The following ST3GAL3 variants were observed in gnomAD, a reference collection of about 807,000 sequenced individuals.
ST3GAL3 encodes the protein CMP-N-acetylneuraminate-beta-1,4-galactoside alpha-2,3-sialyltransferase.
Under a neutral mutation model 50.1 loss-of-function variants are expected in ST3GAL3, and 21 were observed. The observed-to-expected ratio is 0.42, with a 90% confidence interval of 0.30 to 0.60. ST3GAL3 has a LOEUF of 0.60. Ranked by LOEUF, ST3GAL3 falls within the 20% of genes least tolerant of loss-of-function variation. ST3GAL3 has a pLI of 0.19. For synonymous variants in ST3GAL3, 183 were observed against 190.0 expected (o/e 0.96, Z 0.30); for missense variants, 353 against 489.4 (o/e 0.72, Z 2.63).
At chr1:43,916,095 G>T (rs1180258289) in intron 9 of ST3GAL3, among the ~76,000 whole-genome samples, 1 of 152,202 alleles carries the variant, frequency 6.6e-6, no homozygotes, top group Admixed American at 6.5e-5. Context: ...CTCCAGCCTG[G>T]AGTGGTTTGG....
chr1:43,902,930 G>A (rs1371168903), intron 9 of ST3GAL3, among the ~76,000 whole-genome samples: 1 of 152,204 alleles, frequency 6.6e-6, no homozygotes, highest in African/African-American at 2.4e-5. Context: ...GGGAGAGAGA[G>A]TCCCAGAGCT....
chr1:43,906,525 CCTCTTCCTGCCA>C (rs2079760086), intron 9 of ST3GAL3, among the ~76,000 whole-genome samples: 1 of 140,068 alleles, frequency 7.1e-6, no homozygotes, highest in African/African-American at 2.7e-5. Flanking sequence ...TCCTCCTGCT[CCTCTTCCTGCCA>C]CTCTTCCTCC....
intron 2 of ST3GAL3, among the ~76,000 whole-genome samples, chr1:43,783,427 AAGTC>A (rs1474645922): frequency 6.6e-6 from 1 of 152,140 alleles, no homozygotes; most frequent in Non-Finnish European, 1.5e-5. Context: ...AGCTCTGACC[AAGTC>A]TGCCCATCTT....
At chr1:43,718,145 T>A (rs957186902) in intron 1 of ST3GAL3, among the ~76,000 whole-genome samples, 1 of 151,578 alleles carries the variant, frequency 6.6e-6, no homozygotes, top group Non-Finnish European at 1.5e-5. Flanking sequence ...AGTGTTGGGA[T>A]TAGAGGCGTG....
chr1:43,715,888 A>G (rs1052399945), intron 1 of ST3GAL3, among the ~76,000 whole-genome samples: 7 of 152,054 alleles, frequency 4.6e-5, no homozygotes, highest in Non-Finnish European at 8.8e-5. Context: ...CTGGACTCTC[A>G]TAAGAGAATG....
chr1:43,921,133 G>A (rs1276147778), intron 11 of ST3GAL3, among the ~76,000 whole-genome samples: 1 of 152,020 alleles, frequency 6.6e-6, no homozygotes, highest in Non-Finnish European at 1.5e-5. Context: ...GGGACTCTCC[G>A]TGCCCTGGTC....
At chr1:43,785,483 G>A (rs987071310) in intron 2 of ST3GAL3, among the ~76,000 whole-genome samples, 5 of 152,200 alleles carry the variant, frequency 3.3e-5, no homozygotes, top group South Asian at 2.1e-4. Context: ...TATAGGCAAG[G>A]CCTTCTGGGA....
At chr1:43,926,155 A>C (rs1291817827) in intron 11 of ST3GAL3, among the ~76,000 whole-genome samples, 1 of 152,110 alleles carries the variant, frequency 6.6e-6, no homozygotes, top group East Asian at 1.9e-4. Flanking sequence ...GGAAGTATAG[A>C]TCTGTGAGTT....
intron 3 of ST3GAL3, among the ~76,000 whole-genome samples, chr1:43,800,479 G>A (rs1434035414): frequency 6.6e-6 from 1 of 152,218 alleles, no homozygotes; most frequent in Non-Finnish European, 1.5e-5. Context: ...CAGGAGATGG[G>A]AGGTAATAGT....
At chr1:43,731,940 A>C (rs1298829624) in intron 1 of ST3GAL3, among the ~76,000 whole-genome samples, 1 of 152,108 alleles carries the variant, frequency 6.6e-6, no homozygotes, top group Non-Finnish European at 1.5e-5. Flanking sequence ...AGCCTCCCAA[A>C]GTGCTGGGAT....
At chr1:43,724,364 C>T (rs1477852086) in intron 1 of ST3GAL3, among the ~76,000 whole-genome samples, 2 of 151,648 alleles carry the variant, frequency 1.3e-5, no homozygotes, top group Non-Finnish European at 2.9e-5. Context: ...GCCCTCACCA[C>T]CACACCTGGC....
chr1:43,761,817 G>C (rs922077638), intron 2 of ST3GAL3, among the ~76,000 whole-genome samples: 4 of 151,760 alleles, frequency 2.6e-5, no homozygotes, highest in East Asian at 1.9e-4. Context: ...CGGGCATGGT[G>C]GTGGGCGCCT....
chr1:43,766,230 A>G (rs1013331584), intron 2 of ST3GAL3, among the ~76,000 whole-genome samples: 24 of 152,072 alleles, frequency 1.6e-4, no homozygotes, highest in African/African-American at 5.3e-4. Flanking sequence ...GTCTATGAGG[A>G]TTACTGCTGA....
chr1:43,739,562 G>T (rs1679944811), intron 2 of ST3GAL3, among the ~76,000 whole-genome samples: 1 of 152,102 alleles, frequency 6.6e-6, no homozygotes, highest in Non-Finnish European at 1.5e-5. Context: ...TAAGCAGTAT[G>T]TTCTTATTAT....
intron 5 of ST3GAL3, among the ~76,000 whole-genome samples, chr1:43,861,952 C>G (rs537634816): frequency 5.3e-5 from 8 of 151,506 alleles, no homozygotes; most frequent in Non-Finnish European, 1.2e-4. Context: ...CGCTTGAACT[C>G]GGGAGGCGGA....
chr1:43,846,836 A>C (rs1310482990), intron 5 of ST3GAL3, among the ~76,000 whole-genome samples: 2 of 152,208 alleles, frequency 1.3e-5, no homozygotes, highest in African/African-American at 4.8e-5. Flanking sequence ...TATTTAAAAT[A>C]ATTTAAAAAT....
At chr1:43,874,232 G>A (rs917299884) in intron 5 of ST3GAL3, among the ~76,000 whole-genome samples, 1 of 152,186 alleles carries the variant, frequency 6.6e-6, no homozygotes, top group African/African-American at 2.4e-5. Flanking sequence ...AAATCACAAT[G>A]TATGGTTACT....
intron 1 of ST3GAL3, among the ~76,000 whole-genome samples, chr1:43,714,658 A>T (rs905584455): frequency 6.6e-6 from 1 of 152,168 alleles, no homozygotes; most frequent in African/African-American, 2.4e-5. Context: ...TATGGCATTT[A>T]GCTATTCCCA....
chr1:43,898,812 C>G (rs2077780305), intron 7 of ST3GAL3, among the ~76,000 whole-genome samples: 1 of 152,170 alleles, frequency 6.6e-6, no homozygotes, highest in Non-Finnish European at 1.5e-5. Flanking sequence ...GCCCACTTTT[C>G]CCTCTCCCCT....
Sources: allele counts gnomAD v4.1 joint callset (sites outside exome capture counted in the v4.1 genomes callset), GRCh38; gene constraint gnomAD v4.1.1; transcripts MANE v1.5; gene names NCBI Gene and HGNC (gene_info 2026-07-23, HGNC 2026-07-21).